The following ZNF723 variants were observed in gnomAD, a reference collection of about 807,000 sequenced individuals.
The protein encoded by ZNF723 is zinc finger protein 723, also known as zinc finger protein 723, pseudogene.
A neutral mutation model predicts 9.4 loss-of-function variants in ZNF723; 5 were observed. The ratio of observed to expected loss-of-function variants is 0.53; its 90% CI spans 0.28 to 1.12. ZNF723 has a LOEUF of 1.12. ZNF723 is among the 50% of genes most tolerant of loss of function. The probability of loss-of-function intolerance (pLI) is 0.10; values close to 1 mark genes in which losing one functional copy is unlikely to be tolerated. For missense variants in ZNF723, 450 were observed against 501.5 expected, an observed-to-expected ratio of 0.90 and a Z score of 0.98; for synonymous variants, 158 against 168.8, an observed-to-expected ratio of 0.94 and a Z score of 0.49.
chr19:22,822,876 T>A, the ZNF723 span, among the ~76,000 whole-genome samples: 52 of 151,920 alleles, frequency 3.4e-4, no homozygotes, highest in African/African-American at 1.2e-3. Context: ...AAGAAAAAAA[T>A]TGTGATTCTC....
At chr19:22,852,305 GTTAA>G (rs1301554560) in intron 3 of ZNF723, among the ~76,000 whole-genome samples, 2 of 152,050 alleles carry the variant, frequency 1.3e-5, no homozygotes, top group African/African-American at 2.4e-5. Context: ...CCTCATAGCA[GTTAA>G]TTGTGTTTTG....
intron 3 of ZNF723, among the ~76,000 whole-genome samples, chr19:22,849,864 G>A (rs982356585): frequency 1.3e-5 from 2 of 151,948 alleles, no homozygotes; most frequent in Non-Finnish European, 2.9e-5. Context: ...TTCTGATGTC[G>A]TGCCATTGCA....
At chr19:22,815,622 A>G in the ZNF723 span, among the ~76,000 whole-genome samples, 1 of 152,164 alleles carries the variant, frequency 6.6e-6, no homozygotes, top group South Asian at 2.1e-4. Flanking sequence ...ATTGTGACAT[A>G]TATTTTGGCC....
the ZNF723 span, among the ~76,000 whole-genome samples, chr19:22,826,535 C>T: frequency 0.16 from 24,525 of 152,184 alleles, 1,966 homozygotes; most frequent in Non-Finnish European, 0.18. Context: ...TTCATATGCA[C>T]ACCCAGGCAA....
chr19:22,840,545 A>T (rs764306452), intron 1 of ZNF723: 1 of 152,062 alleles, frequency 6.6e-6, no homozygotes, highest in Non-Finnish European at 1.5e-5. Context: ...AAAGAGAAAT[A>T]TTTTTTTAGA....
the ZNF723 span, among the ~76,000 whole-genome samples, chr19:22,813,704 G>A: frequency 1.8e-4 from 28 of 152,094 alleles, no homozygotes; most frequent in South Asian, 2.1e-3. Flanking sequence ...TTGAGCCACT[G>A]CACTCCCGCC....
At chr19:22,850,422 G>C (rs1476308811) in intron 3 of ZNF723, among the ~76,000 whole-genome samples, 1 of 150,000 alleles carries the variant, frequency 6.7e-6, no homozygotes, top group East Asian at 2.0e-4. Context: ...GGCCAGGCTA[G>C]TCTCAAACTC....
At chr19:22,854,667 T>C (rs1360520822) in intron 3 of ZNF723, among the ~76,000 whole-genome samples, 1 of 152,210 alleles carries the variant, frequency 6.6e-6, no homozygotes, top group African/African-American at 2.4e-5. Flanking sequence ...ATATATTCTT[T>C]GTGGTACCTT....
the ZNF723 span, among the ~76,000 whole-genome samples, chr19:22,825,584 A>G: frequency 1.3e-5 from 2 of 151,936 alleles, no homozygotes; most frequent in Non-Finnish European, 2.9e-5. Context: ...GGCCCAGCAC[A>G]TTAGTGATGT....
chr19:22,813,417 GA>G, the ZNF723 span, among the ~76,000 whole-genome samples: 7 of 152,246 alleles, frequency 4.6e-5, no homozygotes, highest in Middle Eastern at 0.014. Context: ...CCTAGGGTTG[GA>G]GGGGGGAGGA....
chr19:22,841,212 G>T (rs1268848051), intron 1 of ZNF723, among the ~76,000 whole-genome samples: 1 of 152,208 alleles, frequency 6.6e-6, no homozygotes, highest in African/African-American at 2.4e-5. Context: ...GCTTCATGTT[G>T]CAGAATTAAC....
At chr19:22,846,242 A>G (rs898714082) in intron 1 of ZNF723, among the ~76,000 whole-genome samples, 2 of 152,156 alleles carry the variant, frequency 1.3e-5, no homozygotes, top group African/African-American at 4.8e-5. Context: ...TGGTATCCTT[A>G]GTAAAGATGG....
chr19:22,843,038 A>G (rs929356453), intron 1 of ZNF723, among the ~76,000 whole-genome samples: 4 of 152,196 alleles, frequency 2.6e-5, no homozygotes, highest in Non-Finnish European at 5.9e-5. Flanking sequence ...TCAGAGTTAT[A>G]GAAAGGTGAT....
At chr19:22,837,547 C>T (rs1489983712) in intron 1 of ZNF723, among the ~76,000 whole-genome samples, 2 of 152,108 alleles carry the variant, frequency 1.3e-5, no homozygotes, top group Non-Finnish European at 2.9e-5. Context: ...AAACTCTGGG[C>T]GTGTGGGAAG....
chr19:22,817,035 C>A, the ZNF723 span, among the ~76,000 whole-genome samples: 1 of 152,248 alleles, frequency 6.6e-6, no homozygotes, highest in African/African-American at 2.4e-5. Context: ...TGTCTCTCTG[C>A]CCAGTACCTA....
At chr19:22,831,842 A>G (rs1967099912), upstream of ZNF723, among the ~76,000 whole-genome samples, 1 of 151,922 alleles carries the variant, frequency 6.6e-6, no homozygotes, top group Admixed American at 6.6e-5. Flanking sequence ...CGGAAGGCAG[A>G]GGTTGCAGTG....
intron 3 of ZNF723, among the ~76,000 whole-genome samples, chr19:22,850,012 T>G (rs1248447697): frequency 2.6e-5 from 4 of 152,192 alleles, no homozygotes; most frequent in South Asian, 2.1e-4. Flanking sequence ...CTGTTCCATT[T>G]GTTTTTTCAT....
the ZNF723 span, among the ~76,000 whole-genome samples, chr19:22,825,873 G>A: frequency 6.6e-6 from 1 of 152,198 alleles, no homozygotes; most frequent in Non-Finnish European, 1.5e-5. Flanking sequence ...CATGTAAGTG[G>A]ACCCAGCACC....
chr19:22,844,203 A>G (rs950591171), intron 1 of ZNF723, among the ~76,000 whole-genome samples: 1 of 152,216 alleles, frequency 6.6e-6, no homozygotes, highest in Non-Finnish European at 1.5e-5. Flanking sequence ...TAAATTTTCT[A>G]TTAAATCAGT....
Sources: gnomAD v4.1 joint callset for allele counts (sites outside exome capture counted in the v4.1 genomes callset) on GRCh38, gnomAD v4.1.1 for gene constraint, MANE v1.5 for transcripts, NCBI Gene and HGNC (gene_info 2026-07-23, HGNC 2026-07-21) for gene names.